Variants in SOCS5 observed in about 807,000 individuals in gnomAD.
The protein encoded by SOCS5 is CIS-6.
A neutral mutation model predicts 42.8 loss-of-function variants in SOCS5; 32 were observed. That is an observed-to-expected ratio of 0.75 (90% CI 0.56 to 1.01). SOCS5 has a LOEUF of 1.01. Among genes scored for constraint, SOCS5 ranks in the 50% least tolerant of loss-of-function variants. The probability of loss-of-function intolerance (pLI) is 0.00; values close to 1 mark genes in which losing one functional copy is unlikely to be tolerated. For synonymous variants in SOCS5, 283 were observed against 229.6 expected, an observed-to-expected ratio of 1.23 and a Z score of -2.10; for missense variants, 627 against 653.0, an observed-to-expected ratio of 0.96 and a Z score of 0.43.
At chr2:46,755,456 A>G (rs994465629) in intron 1 of SOCS5, among the ~76,000 whole-genome samples, 1 of 152,182 alleles carries the variant, frequency 6.6e-6, no homozygotes, top group African/African-American at 2.4e-5. Context: ...CATAATTCTA[A>G]TTTGTAGCTT....
chr2:46,707,352 G>A (rs1672519037), intron 1 of SOCS5, among the ~76,000 whole-genome samples: 1 of 152,186 alleles, frequency 6.6e-6, no homozygotes. Context: ...TTGAGAGTTG[G>A]TGTGTTGTCT....
rs1558415349 is a variant in SOCS5, at chr2:46,759,665, A to G, written c.1135A>G (p.Asn379Asp). 6.2e-7 allele frequency: 1 copy of G among 1,614,008 alleles called. No individual in the cohort carries two copies. The highest frequency in any genetic ancestry group is 1.7e-5 in the Admixed American group (1 of 59,994). Residue 379 changes from asparagine (N) to aspartate (D), a missense_variant, in exon 2 of 2, where the codon AAT (asparagine) becomes GAT (aspartate). Asn to Asp is a conservative substitution (Grantham distance 23). Around this residue, in one of 3 missense-constraint regions of SOCS5, gnomAD observed 340 missense variants for 367.6 expected, o/e 0.92. Coordinates refer to ENST00000394861, the MANE Select transcript of SOCS5 (RefSeq NM_144949.3). Reference sequence around the variant, plus strand: ...GCCTGATTTGCTTCAAATTACAGGGAATCCCTGTTACTGGGGAGTGATGGA... The same window carrying G: ...GCCTGATTTGCTTCAAATTACAGGGGATCCCTGTTACTGGGGAGTGATGGA... ...LVPDLLQITG[N>D]PCYWGVMDRY... is the part of the protein sequence containing the mutation.
intron 1 of SOCS5, among the ~76,000 whole-genome samples, chr2:46,720,464 G>GTCTA (rs1256406544): frequency 1.3e-5 from 2 of 152,264 alleles, no homozygotes; most frequent in African/African-American, 4.8e-5. Flanking sequence ...ACTACTTTGT[G>GTCTA]TCTATGGTAA....
Position 46,713,659 on chromosome 2 carries a change from G to T in SOCS5, c.-13+14210G>T, listed in dbSNP as rs117716513. Reference sequence around the variant, plus strand: ...GTGGTTTATCTGTTTTCTGTTTCATGATTTGAGCTCTTTAATTCCTTCCCT... The same window carrying T: ...GTGGTTTATCTGTTTTCTGTTTCATTATTTGAGCTCTTTAATTCCTTCCCT... On this transcript the variant is annotated intron_variant, in intron 1 of 1. Transcript: ENST00000394861. Among the ~76,000 whole-genome samples, 42 of 151,918 alleles carry T rather than the reference G, an allele frequency of 2.8e-4. No individual in the cohort carries two copies. The East Asian group carries it at 8.1e-3, about 29-fold the overall frequency.
At chr2:46,737,856 TAAA>T (rs397872452) in intron 1 of SOCS5, among the ~76,000 whole-genome samples, 1 of 141,766 alleles carries the variant, frequency 7.1e-6, no homozygotes. Context: ...CTGTCCTTTC[TAAA>T]AAAAAAAAAA....
intron 1 of SOCS5, among the ~76,000 whole-genome samples, chr2:46,710,578 A>T (rs1248882186): frequency 6.6e-6 from 1 of 152,234 alleles, no homozygotes. Flanking sequence ...TTGTGAAAAA[A>T]AACTCTAAGC....
At chr2:46,752,643 A>C (rs1673649070) in intron 1 of SOCS5, among the ~76,000 whole-genome samples, 1 of 152,204 alleles carries the variant, frequency 6.6e-6, no homozygotes, top group African/African-American at 2.4e-5. Context: ...ATATTGATAC[A>C]AGTAGCTATA....
intron 1 of SOCS5, among the ~76,000 whole-genome samples, chr2:46,732,308 T>G (rs1673144800): frequency 6.6e-6 from 1 of 152,178 alleles, no homozygotes; most frequent in Non-Finnish European, 1.5e-5. Flanking sequence ...TGGAGGAGTC[T>G]TGGATGCCTT....
intron 1 of SOCS5, among the ~76,000 whole-genome samples, chr2:46,746,088 A>G (rs1031598859): frequency 3.0e-4 from 45 of 152,030 alleles, no homozygotes; most frequent in African/African-American, 1.1e-3. Context: ...TCCTGGGATC[A>G]ATATTATGAA....
chr2:46,736,835 AT>A lies in SOCS5; in HGVS notation c.-12-21681del, dbSNP rs1440465794. Among the ~76,000 whole-genome samples the A allele has an allele frequency of 2.1e-5, 3 of 141,870 alleles. No individual in the cohort carries two copies. The Admixed American group carries it at 2.2e-4, about 10-fold the overall frequency. The allele number at this position is 141,870 out of a possible 152,430, so 93.1% of individuals were successfully genotyped here. On this transcript the variant is annotated intron_variant, in intron 1 of 1. Transcript: ENST00000394861. ...ATGCTTGGGACCAGAAGTGTTTTGGATTTCAGATTTTTTTTTTTTTAATATT... is the reference window on the plus strand; with the variant it reads ...ATGCTTGGGACCAGAAGTGTTTTGGATTCAGATTTTTTTTTTTTTAATATT...
At chr2:46,747,707 C>G (rs1673535596) in intron 1 of SOCS5, among the ~76,000 whole-genome samples, 2 of 152,126 alleles carry the variant, frequency 1.3e-5, no homozygotes, top group Admixed American at 1.3e-4. Context: ...TTTGCAGTTT[C>G]TAAGCTGCTA....
At chr2:46,725,152 G>A (rs1672963937) in intron 1 of SOCS5, among the ~76,000 whole-genome samples, 1 of 151,784 alleles carries the variant, frequency 6.6e-6, no homozygotes, top group Admixed American at 6.6e-5. Context: ...GCTTTGAAAT[G>A]TACCTATTTG....
At chr2:46,736,680 T>C (rs536895214) in intron 1 of SOCS5, among the ~76,000 whole-genome samples, 1 of 152,268 alleles carries the variant, frequency 6.6e-6, no homozygotes, top group Admixed American at 6.5e-5. Flanking sequence ...CTGAATAATA[T>C]TCCATTACGT....
intron 1 of SOCS5, among the ~76,000 whole-genome samples, chr2:46,710,691 A>G (rs555544424): frequency 1.3e-5 from 2 of 152,332 alleles, no homozygotes; most frequent in Non-Finnish European, 2.9e-5. Flanking sequence ...TTCTTTCTAC[A>G]CTAAAAAAGA....
chr2:46,706,500 C>G (rs1172985222), intron 1 of SOCS5, among the ~76,000 whole-genome samples: 1 of 152,130 alleles, frequency 6.6e-6, no homozygotes, highest in Non-Finnish European at 1.5e-5. Flanking sequence ...TCCTTAAATT[C>G]TTGATTTTTA....
chr2:46,730,310 G>T (rs1673087310), intron 1 of SOCS5, among the ~76,000 whole-genome samples: 1 of 152,054 alleles, frequency 6.6e-6, no homozygotes, highest in South Asian at 2.1e-4. Context: ...CTTAGATTAA[G>T]ATTAGGTTGG....
intron 1 of SOCS5, among the ~76,000 whole-genome samples, chr2:46,727,232 T>C (rs1026265948): frequency 2.2e-5 from 3 of 138,536 alleles, no homozygotes; most frequent in Non-Finnish European, 4.6e-5. Flanking sequence ...CACTGCAAGC[T>C]CCGCCTCCCG....
intron 1 of SOCS5, among the ~76,000 whole-genome samples, chr2:46,739,702 T>C (rs1197886418): frequency 6.6e-6 from 1 of 152,158 alleles, no homozygotes; most frequent in Admixed American, 6.5e-5. Flanking sequence ...TCATTTTTTC[T>C]TTCTCTTTAA....
Position 46,758,829 on chromosome 2 carries a change from C to A in SOCS5, c.299C>A (p.Ser100Tyr). The change falls in exon 2 of 2, where the codon TCT (serine) becomes TAT (tyrosine). Residue 100 changes from serine to tyrosine, a missense_variant. Physicochemically the swap from Ser to Tyr is moderately radical, Grantham distance 144 (BLOSUM62 -2). Around this residue, in one of 3 missense-constraint regions of SOCS5, gnomAD observed 278 missense variants for 246.3 expected, o/e 1.13. Coordinates refer to ENST00000394861, the MANE Select transcript of SOCS5 (RefSeq NM_144949.3). ...ATAAGCATCGAAAAGGATAATGATT[C>A]TTGTGTTACCCCAGGAACAAGACTT... The part of the protein sequence containing the change: ...VEISIEKDND[S>Y]CVTPGTRLAR... 6.2e-7 allele frequency: 1 copy of A among 1,614,116 alleles called. No individual in the cohort carries two copies. Among genetic ancestry groups the A allele is most frequent in the Non-Finnish European group, 8.5e-7 (1 of 1,179,966 alleles).
Sources: gnomAD v4.1 joint callset for allele counts (sites outside exome capture counted in the v4.1 genomes callset) on GRCh38, gnomAD v4.1.1 for gene constraint, gnomAD v4.1.1 regional missense constraint, MANE v1.5 for transcripts, NCBI Gene and HGNC (gene_info 2026-07-23, HGNC 2026-07-21) for gene names.